The following TRHDE variants were observed in gnomAD, a reference collection of about 807,000 sequenced individuals.
TRHDE encodes the protein thyrotropin releasing hormone degrading enzyme.
Under a neutral mutation model 125.7 loss-of-function variants are expected in TRHDE, and 72 were observed. The ratio of observed to expected loss-of-function variants is 0.57; its 90% CI spans 0.47 to 0.70. The LOEUF (loss-of-function observed/expected upper bound fraction) is 0.70, where lower values mean the gene tolerates loss of function less well. Among genes scored for constraint, TRHDE ranks in the 30% least tolerant of loss-of-function variants. TRHDE has a pLI of 0.00. For missense variants in TRHDE, 1,110 were observed against 1,327.1 expected (o/e 0.84, Z 2.54); for synonymous variants, 509 against 509.1 (o/e 1.00, Z 0.00).
Position 72,442,309 on chromosome 12 carries a change from G to A in TRHDE, c.1316-27449G>A, listed in dbSNP as rs892247920. On this transcript the variant is annotated intron_variant, in intron 3 of 18. Coordinates refer to ENST00000261180, the MANE Select transcript of TRHDE (RefSeq NM_013381.3). ...GGAGATTTTTGCTCCACAAAGAGAG[G>A]GCAGAGATACTTGGGCAAGTCTCAC... Among the ~76,000 whole-genome samples the A allele has an allele frequency of 4.6e-5, 7 of 151,734 alleles. No homozygotes were observed. In the East Asian group the frequency reaches 5.8e-4, roughly 13 times the overall value.
At chr12:72,541,642 C>T (rs1304175495) in intron 6 of TRHDE, among the ~76,000 whole-genome samples, 1 of 151,414 alleles carries the variant, frequency 6.6e-6, no homozygotes, top group Non-Finnish European at 1.5e-5. Flanking sequence ...CTAGTTCAAA[C>T]TGCTTTACAT....
At chr12:72,300,365 T>TGC (rs1176660141) in intron 2 of TRHDE, among the ~76,000 whole-genome samples, 1 of 102,670 alleles carries the variant, frequency 9.7e-6, no homozygotes, top group Non-Finnish European at 2.1e-5. Context: ...TATATGTGTA[T>TGC]ACACACACAC....
chr12:72,494,672 T>C (rs1276131900), intron 5 of TRHDE, among the ~76,000 whole-genome samples: 3 of 152,092 alleles, frequency 2.0e-5, no homozygotes, highest in Non-Finnish European at 4.4e-5. Context: ...GACTTTGACA[T>C]GTTCAGGCAG....
chr12:72,304,353 G>A (rs1868307635), intron 2 of TRHDE, among the ~76,000 whole-genome samples: 1 of 152,108 alleles, frequency 6.6e-6, no homozygotes. Flanking sequence ...CATAAGGTGG[G>A]AACAGCTACA....
At chr12:72,268,840 C>A (rs1879127970), upstream of TRHDE, among the ~76,000 whole-genome samples, 2 of 152,010 alleles carry the variant, frequency 1.3e-5, no homozygotes, top group African/African-American at 2.4e-5. Context: ...CTTTTACAAG[C>A]CCCTGAATCA....
chr12:72,149,512 C>T (rs997505351), intron 2 of TRHDE, among the ~76,000 whole-genome samples: 4 of 151,910 alleles, frequency 2.6e-5, no homozygotes, highest in South Asian at 2.1e-4. Context: ...TCTAAGTCAC[C>T]CAGCTTGGCA....
At chr12:72,106,547 T>G (rs1875192186) in intron 2 of TRHDE, among the ~76,000 whole-genome samples, 1 of 152,102 alleles carries the variant, frequency 6.6e-6, no homozygotes, top group South Asian at 2.1e-4. Flanking sequence ...CAATACATTC[T>G]TAGATGTATT....
intron 9 of TRHDE, 117 bp from the exon 10 acceptor site, chr12:72,568,451 T>C: frequency 1.8e-6 from 1 of 558,824 alleles, no homozygotes. Flanking sequence ...GAATTATTTT[T>C]TTTTAGTTCA....
chr12:72,153,857 A>G (rs1335701472), intron 2 of TRHDE, among the ~76,000 whole-genome samples: 1 of 152,182 alleles, frequency 6.6e-6, no homozygotes. Flanking sequence ...TGCTGCTGAA[A>G]AGAATGTATA....
chr12:72,595,591 C>T (rs1023736100), intron 12 of TRHDE, among the ~76,000 whole-genome samples: 1 of 151,846 alleles, frequency 6.6e-6, no homozygotes, highest in Non-Finnish European at 1.5e-5. Context: ...TAATTGTTCC[C>T]TTTTTAAAAA....
intron 12 of TRHDE, among the ~76,000 whole-genome samples, chr12:72,595,019 A>G (rs1027458164): frequency 6.7e-6 from 1 of 150,188 alleles, no homozygotes; most frequent in Non-Finnish European, 1.5e-5. Flanking sequence ...AAGGACAAAA[A>G]ACCAAACACC....
At chr12:72,365,901 G>T (rs1871321813) in intron 2 of TRHDE, among the ~76,000 whole-genome samples, 1 of 152,078 alleles carries the variant, frequency 6.6e-6, no homozygotes, top group Non-Finnish European at 1.5e-5. Flanking sequence ...CCCTGTGGAG[G>T]CTCTGTGGGA....
At chr12:72,187,734 A>C (rs539540231) in intron 2 of TRHDE, among the ~76,000 whole-genome samples, 6 of 152,328 alleles carry the variant, frequency 3.9e-5, no homozygotes, top group African/African-American at 1.4e-4. Flanking sequence ...TTTACCAGCT[A>C]TCTGGGCATC....
At chr12:72,407,606 A>T (rs1265766187) in intron 3 of TRHDE, among the ~76,000 whole-genome samples, 1 of 152,230 alleles carries the variant, frequency 6.6e-6, no homozygotes, top group Non-Finnish European at 1.5e-5. Context: ...GAAATGTAAG[A>T]TTTAAAAATA....
At chr12:72,219,993 T>G (rs1285934529) in intron 2 of TRHDE, among the ~76,000 whole-genome samples, 1 of 152,146 alleles carries the variant, frequency 6.6e-6, no homozygotes, top group African/African-American at 2.4e-5. Flanking sequence ...GATTGACAAA[T>G]GAAAGAAGCA....
At chr12:72,354,191 A>G (rs1870711262) in intron 2 of TRHDE, among the ~76,000 whole-genome samples, 1 of 151,752 alleles carries the variant, frequency 6.6e-6, no homozygotes, top group Non-Finnish European at 1.5e-5. Flanking sequence ...ATGACATTAT[A>G]ACATAATACC....
intron 2 of TRHDE, among the ~76,000 whole-genome samples, chr12:72,332,397 C>CCAGAG (rs1350154238): frequency 2.6e-5 from 4 of 152,154 alleles, no homozygotes; most frequent in Admixed American, 2.0e-4. Context: ...CCTGGGCCTC[C>CCAGAG]CAGAGTGCTG....
chr12:72,499,661 T>G, intron 6 of TRHDE, 26 bp downstream of exon 6: 1 of 1,609,094 alleles, frequency 6.2e-7, no homozygotes, highest in East Asian at 2.2e-5. Context: ...AAAGTGCCAA[T>G]TAGATATTTC....
At chr12:72,486,945 A>C (rs2135920690) in intron 5 of TRHDE, among the ~76,000 whole-genome samples, 1 of 152,238 alleles carries the variant, frequency 6.6e-6, no homozygotes, top group East Asian at 1.9e-4. Flanking sequence ...GAGGAGTTAA[A>C]CAAGAAGAGA....
Sources: allele counts gnomAD v4.1 joint callset (sites outside exome capture counted in the v4.1 genomes callset), GRCh38; gene constraint gnomAD v4.1.1; transcripts MANE v1.5; gene names NCBI Gene and HGNC (gene_info 2026-07-23, HGNC 2026-07-21).